The following RGL1 variants were observed in gnomAD, a reference collection of about 807,000 sequenced individuals.
RGL1 encodes the protein ral guanine nucleotide dissociation stimulator-like 1.
In RGL1, 24 loss-of-function variants were observed where a neutral mutation model predicts 95.2. That is an observed-to-expected ratio of 0.25 (90% CI 0.18 to 0.35). The LOEUF (loss-of-function observed/expected upper bound fraction) is 0.35, where lower values mean the gene tolerates loss of function less well. Among genes scored for constraint, RGL1 ranks in the 10% least tolerant of loss-of-function variants. The pLI is 1.00. For missense variants in RGL1, 715 were observed against 936.3 expected (o/e 0.76, Z 3.08); for synonymous variants, 329 against 344.9 (o/e 0.95, Z 0.51).
chr1:183,713,384 C>CCT lies in RGL1; in HGVS notation c.-32-28741_-32-28740insTC, dbSNP rs1553273651. Among the ~76,000 whole-genome samples, 98 of 137,128 alleles carry CCT rather than the reference C, an allele frequency of 7.1e-4. 15 individuals carry two copies. The highest frequency in any genetic ancestry group is 2.7e-3 in the African/African-American group (94 of 34,830). The allele number at this position is 137,128 out of a possible 152,430, so 90.0% of individuals were successfully genotyped here. ...AAAAAAAATCTAGAGGCACCCCCCC[C>CCT]CCCCGCTTTTATAATGACCCTTTTG... is the stretch of plus-strand genomic sequence containing the variant. On this transcript the variant is annotated intron_variant, in intron 1 of 18. Transcript: ENST00000304685.
intron 1 of RGL1, among the ~76,000 whole-genome samples, chr1:183,716,910 G>C (rs920862005): frequency 2.1e-4 from 32 of 152,326 alleles, no homozygotes; most frequent in Admixed American, 1.9e-3. Context: ...AGCAAACTTT[G>C]TCTCATGTAG....
intron 12 of RGL1, among the ~76,000 whole-genome samples, chr1:183,903,713 T>G (rs1668158656): frequency 6.6e-6 from 1 of 152,120 alleles, no homozygotes; most frequent in Non-Finnish European, 1.5e-5. Context: ...GAGAAGTATA[T>G]AGGTGGGGTA....
chr1:183,654,808 A>C (rs1391665121), intron 1 of RGL1, among the ~76,000 whole-genome samples: 1 of 152,246 alleles, frequency 6.6e-6, no homozygotes, highest in East Asian at 1.9e-4. Context: ...TTTTAGGGAT[A>C]GGCAACCCCA....
intron 2 of RGL1, among the ~76,000 whole-genome samples, chr1:183,833,580 G>GTT (rs1207259872): frequency 6.6e-6 from 1 of 152,102 alleles, no homozygotes; most frequent in Middle Eastern, 3.2e-3. Context: ...AATGTATCTT[G>GTT]TTTATTAGTG....
At chr1:183,676,230 A>G (rs1256345966) in intron 1 of RGL1, among the ~76,000 whole-genome samples, 1 of 152,218 alleles carries the variant, frequency 6.6e-6, no homozygotes, top group Non-Finnish European at 1.5e-5. Flanking sequence ...ATATCAGAGT[A>G]TATCACAAGT....
chr1:183,669,863 G>GA lies in RGL1; in HGVS notation c.-33+33367dup, dbSNP rs1652320920. Among the ~76,000 whole-genome samples, 5 of 150,560 alleles carry GA rather than the reference G, an allele frequency of 3.3e-5. No homozygotes were observed. The South Asian group carries it at 1.0e-3, about 32-fold the overall frequency. On this transcript the variant is annotated intron_variant, in intron 1 of 18. Coordinates refer to the RGL1 transcript ENST00000304685. ...AGAGAGAAGTGGCGAGAAAAAGGGG[G>GA]AAAAACCCCTTATAAAATCATCAGA...
intron 1 of RGL1, among the ~76,000 whole-genome samples, chr1:183,678,154 A>G (rs893384473): frequency 5.3e-5 from 8 of 152,152 alleles, no homozygotes; most frequent in Admixed American, 1.3e-4. Context: ...TAAAACATCT[A>G]TAATGTCTAT....
At chr1:183,782,150 C>T (rs968847461) in intron 2 of RGL1, among the ~76,000 whole-genome samples, 1 of 152,160 alleles carries the variant, frequency 6.6e-6, no homozygotes, top group African/African-American at 2.4e-5. Context: ...TGAGGATTGT[C>T]CACCGATGGC....
At chr1:183,916,974 C>T (rs1669019080) in intron 16 of RGL1, among the ~76,000 whole-genome samples, 3 of 151,954 alleles carry the variant, frequency 2.0e-5, no homozygotes, top group Non-Finnish European at 4.4e-5. Context: ...AAAACTTATT[C>T]GTTTAGGTCA....
chr1:183,694,899 T>C (rs1448605399), intron 1 of RGL1, among the ~76,000 whole-genome samples: 1 of 152,266 alleles, frequency 6.6e-6, no homozygotes, highest in African/African-American at 2.4e-5. Context: ...ATATTTCCAC[T>C]TCTCTCAGCT....
At chr1:183,871,810 C>T (rs1307631066) in intron 4 of RGL1, among the ~76,000 whole-genome samples, 4 of 152,210 alleles carry the variant, frequency 2.6e-5, no homozygotes, top group Admixed American at 6.5e-5. Flanking sequence ...CTCCCACATG[C>T]GGAGTACTTG....
intron 1 of RGL1, among the ~76,000 whole-genome samples, chr1:183,652,156 T>A (rs1185497711): frequency 6.6e-6 from 1 of 152,234 alleles, no homozygotes; most frequent in Non-Finnish European, 1.5e-5. Context: ...CTATATATAA[T>A]GGTCCCATAA....
intron 2 of RGL1, among the ~76,000 whole-genome samples, chr1:183,813,432 C>T (rs1233182893): frequency 6.6e-6 from 1 of 152,230 alleles, no homozygotes; most frequent in Non-Finnish European, 1.5e-5. Flanking sequence ...ACAGTTTAGG[C>T]TCACCATGAA....
chr1:183,650,246 A>T (rs1313592915), intron 1 of RGL1, among the ~76,000 whole-genome samples: 1 of 140,748 alleles, frequency 7.1e-6, no homozygotes, highest in Non-Finnish European at 1.5e-5. Flanking sequence ...TTCCCATGTT[A>T]TTAAAAATAA....
chr1:183,738,078 A>G (rs1408755595), intron 1 of RGL1, among the ~76,000 whole-genome samples: 1 of 152,136 alleles, frequency 6.6e-6, no homozygotes, highest in Non-Finnish European at 1.5e-5. Flanking sequence ...CCCATTATTT[A>G]TGGTATTTGC....
At position 183,847,652 on chromosome 1, in the gene RGL1, G is replaced by T; in HGVS notation, c.225G>T (p.Glu75Asp). 6.2e-7 allele frequency: 1 copy of T among 1,614,156 alleles called. No individual in the cohort carries two copies. The highest frequency in any genetic ancestry group is 8.5e-7 in the Non-Finnish European group (1 of 1,179,984). Reference protein sequence around the residue: ...KIRTIKAGTLEKLVENLLTAF... With the variant: ...KIRTIKAGTLDKLVENLLTAF... ...GGACCATAAAAGCTGGCACCTTGGA[G>T]AAGCTTGTGGAGAACCTGCTGACAG... is the stretch of plus-strand genomic sequence containing the variant. The change falls in exon 3 of 18, where the codon GAG becomes GAT. Residue 75 changes from glutamate to aspartate, a missense_variant. Glu to Asp is a conservative substitution (Grantham distance 45). This residue lies in a region of RGL1 where 381 missense variants were observed against 484.8 expected (regional missense o/e 0.79). Coordinates refer to ENST00000360851, the MANE Select transcript of RGL1 (RefSeq NM_001297671.3).
At chr1:183,679,242 T>G (rs1653035234) in intron 1 of RGL1, among the ~76,000 whole-genome samples, 1 of 152,194 alleles carries the variant, frequency 6.6e-6, no homozygotes, top group Non-Finnish European at 1.5e-5. Context: ...ACATTTATTA[T>G]TTATTTTTAT....
chr1:183,845,478 GGT>G (rs1288453190), intron 2 of RGL1, among the ~76,000 whole-genome samples: 1 of 152,132 alleles, frequency 6.6e-6, no homozygotes, highest in African/African-American at 2.4e-5. Flanking sequence ...TATCTACCAA[GGT>G]ACAATTATAT....
chr1:183,695,839 A>C (rs1654219882), intron 1 of RGL1, among the ~76,000 whole-genome samples: 1 of 152,182 alleles, frequency 6.6e-6, no homozygotes, highest in African/African-American at 2.4e-5. Context: ...TTGGAGCCTT[A>C]ATATCTAATA....
Sources: allele counts gnomAD v4.1 joint callset (sites outside exome capture counted in the v4.1 genomes callset), GRCh38; gene constraint gnomAD v4.1.1; regional missense constraint gnomAD v4.1.1; transcripts MANE v1.5; gene names NCBI Gene and HGNC (gene_info 2026-07-23, HGNC 2026-07-21).